Variants in SLC26A7 observed in about 807,000 individuals in gnomAD.
The protein encoded by SLC26A7 is anion exchange transporter.
A neutral mutation model predicts 82.5 loss-of-function variants in SLC26A7; 59 were observed. The observed-to-expected ratio is 0.72, with a 90% CI of 0.58 to 0.89. The LOEUF (loss-of-function observed/expected upper bound fraction) is 0.89. Ranked by LOEUF, SLC26A7 falls within the 40% of genes least tolerant of loss-of-function variation. The probability of loss-of-function intolerance (pLI) is 0.00; values close to 1 mark genes in which losing one functional copy is unlikely to be tolerated. For missense variants in SLC26A7, 820 were observed against 793.0 expected, an observed-to-expected ratio of 1.03 and a Z score of -0.41; for synonymous variants, 271 against 274.3, an observed-to-expected ratio of 0.99 and a Z score of 0.12.
intron 3 of SLC26A7, among the ~76,000 whole-genome samples, chr8:91,293,746 C>A (rs1272128405): frequency 6.6e-6 from 1 of 152,124 alleles, no homozygotes; most frequent in Non-Finnish European, 1.5e-5. Flanking sequence ...TTAAAAAATT[C>A]TGTAGTCAAT....
At chr8:91,324,963 A>G (rs1385411367) in intron 5 of SLC26A7, among the ~76,000 whole-genome samples, 3 of 152,204 alleles carry the variant, frequency 2.0e-5, no homozygotes, top group Non-Finnish European at 4.4e-5. Flanking sequence ...CATGTTGGAA[A>G]GACAGAATGG....
chr8:91,256,683 C>T (rs1190718596), intron 2 of SLC26A7, among the ~76,000 whole-genome samples: 1 of 152,108 alleles, frequency 6.6e-6, no homozygotes, highest in Non-Finnish European at 1.5e-5. Flanking sequence ...TTTGCATGTG[C>T]AAACACTTTT....
At chr8:91,385,527 C>G (rs1476957702) in intron 15 of SLC26A7, among the ~76,000 whole-genome samples, 6 of 152,168 alleles carry the variant, frequency 3.9e-5, no homozygotes, top group Admixed American at 3.9e-4. Flanking sequence ...CTTCAAATAG[C>G]TTACTTAAAT....
rs547358711 is a variant in SLC26A7 at position 91,378,744 on chromosome 8, A to G, written c.1675+8911A>G. Among the ~76,000 whole-genome samples, 18 of 151,922 alleles carry G rather than the reference A, an allele frequency of 1.2e-4. No individual in the cohort carries two copies. In the South Asian group the frequency reaches 3.7e-3, roughly 31 times the overall value. ...TACAAGTTTCAACACATTTCAAATA[A>G]TGAAAATTATACAGGCAGGTTTCTG... On this transcript the variant is annotated intron_variant, in intron 15 of 18. Coordinates refer to ENST00000276609, the MANE Select transcript of SLC26A7 (RefSeq NM_052832.4).
At chr8:91,306,984 C>T (rs1162825223) in intron 4 of SLC26A7, among the ~76,000 whole-genome samples, 6 of 144,388 alleles carry the variant, frequency 4.2e-5, no homozygotes, top group Middle Eastern at 3.4e-3. Flanking sequence ...AAAAAGTGGG[C>T]GAAGGACATG....
intron 2 of SLC26A7, among the ~76,000 whole-genome samples, chr8:91,271,893 C>T (rs1362128056): frequency 1.3e-5 from 2 of 152,116 alleles, no homozygotes; most frequent in South Asian, 2.1e-4. Flanking sequence ...AGCGCCCGGC[C>T]GAGAAATCTT....
chr8:91,366,242 G>A (rs889020118), intron 13 of SLC26A7, among the ~76,000 whole-genome samples: 10 of 152,188 alleles, frequency 6.6e-5, no homozygotes, highest in African/African-American at 1.9e-4. Flanking sequence ...TTTTTAATTG[G>A]TAGATTGAAT....
intron 13 of SLC26A7, among the ~76,000 whole-genome samples, chr8:91,365,968 C>T (rs530106689): frequency 2.6e-4 from 40 of 152,248 alleles, no homozygotes; most frequent in African/African-American, 9.4e-4. Context: ...ATGGCCAAAG[C>T]GGACATGTTT....
In SLC26A7 at chr8:91,254,518, A is replaced by G. The variant is rs1007689014; in HGVS notation, c.193+4674A>G. On this transcript the variant is annotated intron_variant, in intron 2 of 18. Coordinates refer to ENST00000276609, the MANE Select transcript of SLC26A7 (RefSeq NM_052832.4). ...CCTTCAGGTCTGTGAACCTGGACTC[A>G]TATGTTTCAATATACTTCACTTCTT... Among the ~76,000 whole-genome samples, 6 of 152,248 alleles carry G rather than the reference A, an allele frequency of 3.9e-5. No individual in the cohort carries two copies. In the East Asian group the frequency reaches 9.7e-4, roughly 25 times the overall value.
chr8:91,328,783 T>C (rs1813000449), intron 5 of SLC26A7, among the ~76,000 whole-genome samples: 5 of 152,110 alleles, frequency 3.3e-5, no homozygotes, highest in Admixed American at 3.3e-4. Context: ...TGTAAATGTC[T>C]GTGAAGTACT....
chr8:91,243,745 C>T (rs1489593631), intron 2 of SLC26A7, among the ~76,000 whole-genome samples: 1 of 152,218 alleles, frequency 6.6e-6, no homozygotes, highest in African/African-American at 2.4e-5. Context: ...AAAAAAAAAT[C>T]TCACAATCCA....
chr8:91,278,821 TCA>T (rs1370212512), intron 2 of SLC26A7, among the ~76,000 whole-genome samples: 1 of 152,070 alleles, frequency 6.6e-6, no homozygotes, highest in Non-Finnish European at 1.5e-5. Flanking sequence ...ACTATAGTCA[TCA>T]TAGTATACAA....
intron 5 of SLC26A7, among the ~76,000 whole-genome samples, chr8:91,328,234 G>A (rs1812987140): frequency 6.6e-6 from 1 of 152,046 alleles, no homozygotes; most frequent in Non-Finnish European, 1.5e-5. Flanking sequence ...ATTCACGGCA[G>A]TTGTGCAATG....
chr8:91,255,072 A>G (rs1810764123), intron 2 of SLC26A7, among the ~76,000 whole-genome samples: 1 of 152,146 alleles, frequency 6.6e-6, no homozygotes, highest in African/African-American at 2.4e-5. Flanking sequence ...AAACTCAAGC[A>G]TTGAGACAGA....
At chr8:91,352,018 A>C (rs1813730334) in intron 10 of SLC26A7, 131 bp downstream of exon 10, 10 of 761,348 alleles carry the variant, frequency 1.3e-5, no homozygotes, top group Non-Finnish European at 2.2e-5. Context: ...GTAAAGTTTG[A>C]ATGGGGGAGG....
chr8:91,230,211 T>C (rs140465676), intron 2 of SLC26A7, among the ~76,000 whole-genome samples: 323 of 152,332 alleles, frequency 2.1e-3, no homozygotes, highest in Non-Finnish European at 3.7e-3. Context: ...TTCTCCAATT[T>C]GGGCTTGTCC....
intron 4 of SLC26A7, among the ~76,000 whole-genome samples, chr8:91,302,715 C>T (rs538113082): frequency 1.3e-5 from 2 of 151,996 alleles, no homozygotes; most frequent in Admixed American, 1.3e-4. Flanking sequence ...AATCCCACTC[C>T]GTTAGCTCCC....
Position 91,258,967 on chromosome 8 carries a change from C to T in SLC26A7, c.193+9123C>T, listed in dbSNP as rs1314582549. Among the ~76,000 whole-genome samples, 4 of 152,068 alleles carry T rather than the reference C, an allele frequency of 2.6e-5. No homozygotes were observed. The South Asian group carries it at 6.2e-4, about 24-fold the overall frequency. On this transcript the variant is annotated intron_variant, in intron 2 of 18. Transcript: ENST00000276609. ...GCAAATACCTTTTTACCTGCTCGTTCGCTCTGTGTTGTTCCCTTGCTTCAC... is the reference window on the plus strand; with the variant it reads ...GCAAATACCTTTTTACCTGCTCGTTTGCTCTGTGTTGTTCCCTTGCTTCAC...
intron 15 of SLC26A7, among the ~76,000 whole-genome samples, chr8:91,370,034 T>G (rs1814309947): frequency 6.6e-6 from 1 of 152,014 alleles, no homozygotes; most frequent in African/African-American, 2.4e-5. Flanking sequence ...AAATAAGCAC[T>G]AATACTTTTA....
Sources: gnomAD v4.1 joint callset for allele counts (sites outside exome capture counted in the v4.1 genomes callset) on GRCh38, gnomAD v4.1.1 for gene constraint, MANE v1.5 for transcripts, NCBI Gene and HGNC (gene_info 2026-07-23, HGNC 2026-07-21) for gene names.